Variants in VPS54 observed in about 807,000 individuals in gnomAD.
The protein encoded by VPS54 is vacuolar protein sorting-associated protein 54.
A neutral mutation model predicts 121.5 loss-of-function variants in VPS54; 45 were observed. The observed-to-expected ratio is 0.37, with a 90% CI of 0.29 to 0.47. VPS54 has a LOEUF of 0.47. VPS54 is among the 20% of genes least tolerant of loss of function. The probability of loss-of-function intolerance (pLI) is 0.99; values close to 1 mark genes in which losing one functional copy is unlikely to be tolerated. For synonymous variants in VPS54, 371 were observed against 385.8 expected (o/e 0.96, Z 0.45); for missense variants, 1,090 against 1,131.4 (o/e 0.96, Z 0.52).
chr2:63,983,604 G>A (rs972248408), intron 2 of VPS54, among the ~76,000 whole-genome samples: 9 of 150,830 alleles, frequency 6.0e-5, no homozygotes, highest in South Asian at 2.1e-4. Context: ...CACCACACCC[G>A]GCTAATTTTT....
At chr2:63,938,653 T>C (rs984873207) in intron 11 of VPS54, among the ~76,000 whole-genome samples, 3 of 152,082 alleles carry the variant, frequency 2.0e-5, no homozygotes, top group Non-Finnish European at 4.4e-5. Context: ...TTAGTAGAGA[T>C]GGGGTTTCAC....
intron 12 of VPS54, among the ~76,000 whole-genome samples, 187 bp from the exon 13 acceptor site, chr2:63,921,522 A>G (rs1673646307): frequency 6.6e-6 from 1 of 152,108 alleles, no homozygotes; most frequent in Admixed American, 6.6e-5. Flanking sequence ...TAATACAACT[A>G]TTATCTATAT....
intron 9 of VPS54, among the ~76,000 whole-genome samples, chr2:63,946,720 A>C (rs1482406159): frequency 6.6e-6 from 1 of 152,132 alleles, no homozygotes; most frequent in Non-Finnish European, 1.5e-5. Context: ...AAGATCAGGG[A>C]ATACTGAAAA....
Position 63,944,625 on chromosome 2 carries a change from C to T in VPS54, c.1276G>A (p.Glu426Lys). The change falls in exon 10 of 23, where the codon GAA becomes AAA. Residue 426 changes from glutamate to lysine, a missense_variant. Glu to Lys is a moderately conservative substitution (Grantham distance 56). Around this residue, in one of 2 missense-constraint regions of VPS54, gnomAD observed 801 missense variants for 757.0 expected, o/e 1.06. Transcript: ENST00000272322. ...CVINKVSQTEEIDTDVVVKLA... is the reference protein window; with the variant it reads ...CVINKVSQTEKIDTDVVVKLA... ...TTCACAACAACATCTGTGTCTATTT[C>T]TTCTGTTTGTGAAACTTTATTAATC... 6.2e-7 allele frequency: 1 copy of T among 1,610,238 alleles called. No homozygotes were observed. The highest frequency in any genetic ancestry group is 8.5e-7 in the Non-Finnish European group (1 of 1,178,524).
chr2:63,919,641 A>AT (rs759632909), intron 15 of VPS54, among the ~76,000 whole-genome samples: 19 of 152,114 alleles, frequency 1.2e-4, no homozygotes, highest in Non-Finnish European at 2.6e-4. Flanking sequence ...CGTTGTGAGA[A>AT]TGAACTGGAG....
intron 12 of VPS54, among the ~76,000 whole-genome samples, chr2:63,931,528 G>A (rs770565973): frequency 7.2e-5 from 11 of 152,136 alleles, no homozygotes; most frequent in African/African-American, 1.9e-4. Context: ...AGACTTAAAC[G>A]TAAGACCTAG....
At position 63,916,950 on chromosome 2, in the gene VPS54, C is replaced by T. The variant is rs775063562; in HGVS notation, c.2178G>A (p.Arg726=). 92 of 1,613,456 alleles carry T rather than the reference C, an allele frequency of 5.7e-5. No individual in the cohort carries two copies. Among genetic ancestry groups the T allele is most frequent in the East Asian group, 8.9e-5 (4 of 44,842 alleles). ...PEKKSGATEE[R]KPAEVLIVEG... ...CGACAATAAGAACTTCAGCTGGTTT[C>T]CTTTCTTCTGTGGCTACAGAGTTAA... The change falls in exon 16 of 23, where the codon AGG becomes AGA. Residue 726 remains arginine, a synonymous_variant. Transcript: ENST00000272322.
At chr2:63,944,215 G>A (rs1674869576) in intron 10 of VPS54, among the ~76,000 whole-genome samples, 1 of 152,048 alleles carries the variant, frequency 6.6e-6, no homozygotes, top group Admixed American at 6.6e-5. Context: ...CCATATCTAT[G>A]TTCTGTCCCT....
At chr2:64,017,367 AAG>A (rs1476191816) in intron 1 of VPS54, among the ~76,000 whole-genome samples, 2 of 151,778 alleles carry the variant, frequency 1.3e-5, no homozygotes, top group Non-Finnish European at 2.9e-5. Flanking sequence ...AACAAAAAAA[AAG>A]AGTGTGATGA....
intron 10 of VPS54, among the ~76,000 whole-genome samples, chr2:63,943,170 T>C (rs1674816551): frequency 6.6e-6 from 1 of 152,194 alleles, no homozygotes; most frequent in East Asian, 1.9e-4. Context: ...AAAAGTACCA[T>C]GTAAGCAGCA....
At chr2:64,017,373 GTGA>G (rs1678758285) in intron 1 of VPS54, among the ~76,000 whole-genome samples, 1 of 151,672 alleles carries the variant, frequency 6.6e-6, no homozygotes, top group Non-Finnish European at 1.5e-5. Flanking sequence ...AAAAAAGAGT[GTGA>G]TGAAGAAATT....
intron 7 of VPS54, 137 bp downstream of exon 7, chr2:63,961,921 T>A: frequency 1.0e-6 from 1 of 952,892 alleles, no homozygotes; most frequent in Non-Finnish European, 1.5e-6. Flanking sequence ...AGAATAACAT[T>A]ATTAAACAAA....
intron 1 of VPS54, among the ~76,000 whole-genome samples, chr2:63,984,969 A>C (rs1676975070): frequency 6.6e-6 from 1 of 152,216 alleles, no homozygotes; most frequent in African/African-American, 2.4e-5. Context: ...TAAAAAAACA[A>C]AACAAAACAA....
chr2:63,897,508 C>T lies in VPS54; in HGVS notation c.2816G>A (p.Gly939Glu). ...TTAAAAAACATACCCATTTTGAGGT[C>T]CTCCATCATTTATCACATTTAAGTG... ...LSHLNVINDG[G>E]PQNGLVTADV... Residue 939 changes from glycine to glutamate, a missense_variant, in exon 22 of 23, where the codon GGA becomes GAA. Around this residue, in one of 2 missense-constraint regions of VPS54, gnomAD observed 289 missense variants for 374.4 expected, o/e 0.77. Coordinates refer to ENST00000272322, the MANE Select transcript of VPS54 (RefSeq NM_016516.3). 2 of 1,595,160 alleles carry T rather than the reference C, an allele frequency of 1.3e-6. No individual in the cohort carries two copies. Among genetic ancestry groups the T allele is most frequent in the Non-Finnish European group, 1.7e-6 (2 of 1,170,426 alleles).
intron 12 of VPS54, among the ~76,000 whole-genome samples, chr2:63,925,036 A>C (rs1673832795): frequency 6.6e-6 from 1 of 152,270 alleles, no homozygotes. Context: ...AGAAGCATAA[A>C]TCATAAAGGA....
At chr2:63,905,304 G>T (rs1236599802) in intron 20 of VPS54, among the ~76,000 whole-genome samples, 1 of 152,060 alleles carries the variant, frequency 6.6e-6, no homozygotes, top group Non-Finnish European at 1.5e-5. Flanking sequence ...AAAGGGGGAG[G>T]TGAGGAAGAC....
At position 63,895,177 on chromosome 2, in the gene VPS54, C is replaced by T. The variant is rs117849208; in HGVS notation, c.2829-1642G>A. On this transcript the variant is annotated intron_variant, in intron 22 of 22. Transcript: ENST00000272322. ...CACATTAAAAAGTACAGAGCTGGGC[C>T]GGGTGCAGTGGCTCATACCTATAAT... Among the ~76,000 whole-genome samples the T allele has an allele frequency of 1.5e-3, 230 of 152,134 alleles. 7 individuals are homozygous for T. The East Asian group carries it at 0.04, about 26-fold the overall frequency.
Position 63,892,433 on chromosome 2 carries a change from C to T in VPS54, c.*997G>A, listed in dbSNP as rs954239592. Reference sequence around the variant, plus strand: ...CTTTACTTGTCACCTTATTTCTGGCCCCAACACAGCAGCCTATAGTTTTAA... The same window carrying T: ...CTTTACTTGTCACCTTATTTCTGGCTCCAACACAGCAGCCTATAGTTTTAA... On this transcript the variant is annotated 3_prime_UTR_variant, in exon 23 of 23. Transcript: ENST00000272322. The T allele has an allele frequency of 6.6e-6, 1 of 152,230 alleles. No individual in the cohort carries two copies. The highest frequency in any genetic ancestry group is 2.4e-5 in the African/African-American group (1 of 41,364). 9.4% of individuals were successfully genotyped at this position (152,230 alleles called of 1,614,324 possible). A position where few individuals can be genotyped will look rare whatever the true frequency, so the allele number is the denominator to read the frequency against.
chr2:63,917,156 C>A (rs557899902), intron 15 of VPS54, among the ~76,000 whole-genome samples, 193 bp from the exon 16 acceptor site: 2 of 152,078 alleles, frequency 1.3e-5, no homozygotes, highest in South Asian at 4.1e-4. Flanking sequence ...ATTTGAGTAC[C>A]AGTACTACCA....
Sources: gnomAD v4.1 joint callset for allele counts (sites outside exome capture counted in the v4.1 genomes callset) on GRCh38, gnomAD v4.1.1 for gene constraint, gnomAD v4.1.1 regional missense constraint, MANE v1.5 for transcripts, NCBI Gene and HGNC (gene_info 2026-07-23, HGNC 2026-07-21) for gene names.